The following CHMP4A variants were observed in gnomAD, a reference collection of about 807,000 sequenced individuals.
CHMP4A encodes the protein SNF7 homolog associated with Alix-2.
Under a neutral mutation model 28.2 loss-of-function variants are expected in CHMP4A, and 29 were observed. That is an observed-to-expected ratio of 1.03 (90% CI 0.77 to 1.40). CHMP4A has a LOEUF of 1.40. CHMP4A is among the 40% of genes most tolerant of loss of function. The probability of loss-of-function intolerance (pLI) is 0.00; values close to 1 mark genes in which losing one functional copy is unlikely to be tolerated. For missense variants in CHMP4A, 241 were observed against 263.5 expected (o/e 0.91, Z 0.59); for synonymous variants, 88 against 99.3 (o/e 0.89, Z 0.67).
intron 1 of CHMP4A, chr14:24,212,622 T>C: frequency 2.6e-6 from 1 of 392,072 alleles, no homozygotes; most frequent in Non-Finnish European, 4.9e-6. Context: ...TGGTGCAATC[T>C]TGGCTCACTA....
At chr14:24,211,904 T>A in intron 1 of CHMP4A, 75 bp from the exon 2 acceptor site, 1 of 1,343,374 alleles carries the variant, frequency 7.4e-7, no homozygotes, top group Non-Finnish European at 1.0e-6. Flanking sequence ...ATACATAGTA[T>A]GTGCTAGAGA....
At chr14:24,211,297 G>T in intron 3 of CHMP4A, 118 bp downstream of exon 3, 2 of 870,020 alleles carry the variant, frequency 2.3e-6, no homozygotes, top group Non-Finnish European at 3.4e-6. Context: ...TGGATGTCTA[G>T]CCATCACAAG....
rs769357581 is a variant in CHMP4A, at chr14:24,213,461, T to G, written c.-22A>C. On this transcript the variant is annotated 5_prime_UTR_variant, in exon 1 of 6. Coordinates refer to ENST00000347519, the MANE Select transcript of CHMP4A (RefSeq NM_014169.5). Reference sequence around the variant, plus strand: ...TCATCGCGAGCTCGCCTCTCCCGCCTCCGCCCCTCAGCGTCCTCCAGACTT... The same window carrying G: ...TCATCGCGAGCTCGCCTCTCCCGCCGCCGCCCCTCAGCGTCCTCCAGACTT... The G allele has an allele frequency of 1.7e-5, 27 of 1,612,256 alleles. No homozygotes were observed. Among genetic ancestry groups the G allele is most frequent in the Non-Finnish European group, 2.3e-5 (27 of 1,179,470 alleles).
intron 1 of CHMP4A, chr14:24,212,896 T>C (rs1323304906): frequency 6.4e-6 from 1 of 156,782 alleles, no homozygotes. Flanking sequence ...GAGACGGGGT[T>C]TCACCATATT....
intron 4 of CHMP4A, 42 bp downstream of exon 4, chr14:24,210,612 C>G: frequency 6.3e-7 from 1 of 1,596,508 alleles, no homozygotes; most frequent in Admixed American, 1.7e-5. Flanking sequence ...TGGCCAGTCC[C>G]ATACTTTCTG....
chr14:24,210,390 T>C lies in CHMP4A; in HGVS notation c.568A>G (p.Lys190Glu), dbSNP rs768445146. 8.7e-6 allele frequency: 14 copies of C among 1,614,110 alleles called. No homozygotes were observed. The highest frequency in any genetic ancestry group is 1.2e-5 in the Non-Finnish European group (14 of 1,180,028). Residue 190 changes from lysine to glutamate, a missense_variant, in exon 5 of 6, where the codon AAA (lysine) becomes GAA (glutamate). Lys to Glu is a moderately conservative substitution (Grantham distance 56). Transcript: ENST00000347519. The part of the protein sequence containing the change: ...VGDKEEEPSV[K>E]LPSVPSTHLP... ...TGAGTAGAAGGTACACTAGGCAATT[T>C]GACTGAGGGTTCTTCTTCCTTGTCG...
intron 3 of CHMP4A, 152 bp from the exon 4 acceptor site, chr14:24,210,920 C>T (rs2039585980): frequency 1.6e-6 from 1 of 638,694 alleles, no homozygotes; most frequent in South Asian, 1.8e-5. Context: ...TGCAAAGATG[C>T]AAGTTGTGAT....
Position 24,210,659 on chromosome 14 carries a change from C to T in CHMP4A, c.469G>A (p.Asp157Asn). The T allele has an allele frequency of 6.2e-7, 1 of 1,613,146 alleles. No homozygotes were observed. Among genetic ancestry groups the T allele is most frequent in the Non-Finnish European group, 8.5e-7 (1 of 1,179,052 alleles). ...SRPMGFGDDV[D>N]EDELLEELEE... is the part of the protein sequence containing the mutation. Reference sequence around the variant, plus strand: ...GACCCTTCACCCCCAATCACCTCATCCACATCATCTCCAAAGCCCATAGGC... The same window carrying T: ...GACCCTTCACCCCCAATCACCTCATTCACATCATCTCCAAAGCCCATAGGC... The change falls in exon 4 of 6, where the codon GAT (aspartate) becomes AAT (asparagine). Residue 157 changes from aspartate to asparagine, a missense_variant. Transcript: ENST00000347519.
chr14:24,213,189 G>T, intron 1 of CHMP4A: 1 of 535,702 alleles, frequency 1.9e-6, no homozygotes, highest in Non-Finnish European at 3.2e-6. Context: ...TCTGAGAGTG[G>T]GGGAGGACGG....
At chr14:24,212,865 C>T in intron 1 of CHMP4A, 1 of 156,654 alleles carries the variant, frequency 6.4e-6, no homozygotes, top group Middle Eastern at 3.2e-3. Flanking sequence ...CCGCGCCCGG[C>T]CAATTTTTAT....
Position 24,213,407 on chromosome 14 carries a change from A to G in CHMP4A, c.31+2T>C. 6.3e-7 allele frequency: 1 copy of G among 1,599,090 alleles called. No homozygotes were observed. The highest frequency in any genetic ancestry group is 8.5e-7 in the Non-Finnish European group (1 of 1,175,502). On this transcript the variant is annotated splice_donor_variant, in intron 1 of 5. Transcript: ENST00000347519. LOFTEE classifies it high-confidence loss of function. ...TGGCTGGCCAGTCCCACCCTGGCTC[A>G]CCCTTCCCGAAGAGCCTGCCGAGAC...
Position 24,210,454 on chromosome 14 carries a change from C to CAGTTCCTCT in CHMP4A, c.503_504insAGAGGAACT (p.Glu167_Glu169dup). 6.2e-7 allele frequency: 1 copy of CAGTTCCTCT among 1,614,108 alleles called. No homozygotes were observed. Among genetic ancestry groups the CAGTTCCTCT allele is most frequent in the Non-Finnish European group, 8.5e-7 (1 of 1,180,006 alleles). ...ACTCCTGGGCCAATTCCTCCTGCTCCAGCTCCTCTAGCTCCTCCAGCAGTT... is the reference window on the plus strand; with the variant it reads ...ACTCCTGGGCCAATTCCTCCTGCTCCAGTTCCTCTAGCTCCTCTAGCTCCTCCAGCAGTT... On this transcript the variant is annotated inframe_insertion, in exon 5 of 6. Coordinates refer to ENST00000347519, the MANE Select transcript of CHMP4A (RefSeq NM_014169.5).
chr14:24,210,062 A>G (rs2039577423), intron 5 of CHMP4A, 127 bp from the exon 6 acceptor site: 2 of 949,668 alleles, frequency 2.1e-6, no homozygotes, highest in Non-Finnish European at 1.7e-6. Flanking sequence ...ACCTAAAGGT[A>G]TGGTCCTTCT....
In CHMP4A at chr14:24,210,462, C is replaced by G; in HGVS notation, c.496G>C (p.Glu166Gln). 6.2e-7 allele frequency: 1 copy of G among 1,614,158 alleles called. No individual in the cohort carries two copies. Among genetic ancestry groups the G allele is most frequent in the South Asian group, 1.1e-5 (1 of 91,076 alleles). The part of the protein sequence containing the change: ...VDEDELLEEL[E>Q]ELEQEELAQE... Reference sequence around the variant, plus strand: ...GCCAATTCCTCCTGCTCCAGCTCCTCTAGCTCCTCCAGCAGTTCATCCTGG... The same window carrying G: ...GCCAATTCCTCCTGCTCCAGCTCCTGTAGCTCCTCCAGCAGTTCATCCTGG... Residue 166 changes from glutamate to glutamine, a missense_variant, in exon 5 of 6, where the codon GAG becomes CAG. Coordinates refer to ENST00000347519, the MANE Select transcript of CHMP4A (RefSeq NM_014169.5).
At chr14:24,210,251 G>GT in intron 5 of CHMP4A, 97 bp downstream of exon 5, 1 of 1,486,522 alleles carries the variant, frequency 6.7e-7, no homozygotes, top group South Asian at 1.3e-5. Flanking sequence ...AGCCCTTTCT[G>GT]TGTGGCTCCT....
At chr14:24,210,989 G>C (rs2039586548) in intron 3 of CHMP4A, 1 of 522,270 alleles carries the variant, frequency 1.9e-6, no homozygotes, top group East Asian at 3.3e-5. Context: ...TTCAAGACCA[G>C]CCTGGCCAAA....
In CHMP4A at chr14:24,210,380, C is replaced by A; in HGVS notation, c.578G>T (p.Ser193Ile). The A allele has an allele frequency of 6.2e-7, 1 of 1,614,066 alleles. No individual in the cohort carries two copies. The highest frequency in any genetic ancestry group is 1.3e-5 in the African/African-American group (1 of 75,010). Residue 193 changes from serine (S) to isoleucine (I), a missense_variant, in exon 5 of 6, where the codon AGT (serine) becomes ATT (isoleucine). Ser to Ile is a moderately radical substitution (Grantham distance 142). Coordinates refer to ENST00000347519, the MANE Select transcript of CHMP4A (RefSeq NM_014169.5). Reference protein sequence around the residue: ...KEEEPSVKLPSVPSTHLPAGP... With the variant: ...KEEEPSVKLPIVPSTHLPAGP... ...TGCCGGCAGATGAGTAGAAGGTACA[C>A]TAGGCAATTTGACTGAGGGTTCTTC...
At chr14:24,210,301 TC>T in intron 5 of CHMP4A, 46 bp downstream of exon 5, 2 of 1,590,144 alleles carry the variant, frequency 1.3e-6, no homozygotes, top group Non-Finnish European at 1.7e-6. Flanking sequence ...TCCCCATATC[TC>T]TCCCACCCTC....
At chr14:24,213,240 C>A in intron 1 of CHMP4A, 169 bp downstream of exon 1, 1 of 761,724 alleles carries the variant, frequency 1.3e-6, no homozygotes, top group Non-Finnish European at 1.9e-6. Flanking sequence ...TGCCTTTTGG[C>A]ACCGGCGATG....
Sources: gnomAD v4.1 joint callset for allele counts on GRCh38, gnomAD v4.1.1 for gene constraint, MANE v1.5 for transcripts, NCBI Gene and HGNC (gene_info 2026-07-23, HGNC 2026-07-21) for gene names.